The following MYO7A variants were observed in gnomAD, a reference collection of about 807,000 sequenced individuals.
MYO7A encodes the protein myosin VIIA, also known as unconventional myosin-VIIa.
In MYO7A, 210 loss-of-function variants were observed where a neutral mutation model predicts 263.8. That is an observed-to-expected ratio of 0.80 (90% CI 0.71 to 0.89). The LOEUF (loss-of-function observed/expected upper bound fraction) is 0.89, where lower values mean the gene tolerates loss of function less well. Ranked by LOEUF, MYO7A falls within the 40% of genes least tolerant of loss-of-function variation. The pLI is 0.00. For missense variants in MYO7A, 2,820 were observed against 2,968.3 expected, an observed-to-expected ratio of 0.95 and a Z score of 1.16; for synonymous variants, 1,239 against 1,197.3, an observed-to-expected ratio of 1.03 and a Z score of -0.72.
intron 3 of MYO7A, among the ~76,000 whole-genome samples, chr11:77,145,932 C>T (rs1951528208): frequency 6.6e-6 from 1 of 152,202 alleles, no homozygotes; most frequent in Non-Finnish European, 1.5e-5. Context: ...TTCTGCCTCT[C>T]ATTCAGACCT....
chr11:77,195,765 G>T (rs1371405074), intron 32 of MYO7A, among the ~76,000 whole-genome samples: 1 of 152,224 alleles, frequency 6.6e-6, no homozygotes, highest in Admixed American at 6.5e-5. Flanking sequence ...AGTTTTTGTA[G>T]GGTGGGAGGG....
intron 44 of MYO7A, among the ~76,000 whole-genome samples, chr11:77,210,371 G>C (rs978872470): frequency 2.0e-5 from 3 of 152,164 alleles, no homozygotes; most frequent in African/African-American, 7.2e-5. Flanking sequence ...GTGGATATTG[G>C]TAAGTGAATT....
rs781964930 is a variant in MYO7A, at chr11:77,177,607, T to C, written c.2246T>C (p.Ile749Thr). The C allele has an allele frequency of 3.1e-6, 5 of 1,611,934 alleles. No individual in the cohort carries two copies. The highest frequency in any genetic ancestry group is 4.2e-6 in the Non-Finnish European group (5 of 1,179,290). The change falls in exon 19 of 49, where the codon ATC becomes ACC. Residue 749 changes from isoleucine to threonine, a missense_variant. Transcript: ENST00000409709. ...ERDKAITDRV[I>T]LLQKVIRGFK... ...GACAAAGCCATCACCGACAGAGTCATCCTCCTTCAGAAAGTCATCCGGGGA... is the reference window on the plus strand; with the variant it reads ...GACAAAGCCATCACCGACAGAGTCACCCTCCTTCAGAAAGTCATCCGGGGA...
chr11:77,189,572 A>T, intron 28 of MYO7A, 102 bp downstream of exon 28: 3 of 1,521,432 alleles, frequency 2.0e-6, no homozygotes, highest in Non-Finnish European at 2.7e-6. Flanking sequence ...CCTGGTCACA[A>T]GGCCCACCCG....
rs1243127392 is a variant in MYO7A, at chr11:77,190,114, A to G, written c.3725A>G (p.Gln1242Arg). 2 of 1,573,054 alleles carry G rather than the reference A, an allele frequency of 1.3e-6. No individual in the cohort carries two copies. Among genetic ancestry groups the G allele is most frequent in the Non-Finnish European group, 1.7e-6 (2 of 1,159,760 alleles). The change falls in exon 29 of 49, where the codon CAG becomes CGG. Residue 1242 changes from glutamine to arginine, a missense_variant. Transcript: ENST00000409709. The part of the protein sequence containing the change: ...RRTFVNGTRT[Q>R]PPSWLELQAT... ...ACCTTTGTCAATGGGACACGGACACAGCCGCCCAGCTGGCTGGAGCTGCAG... is the reference window on the plus strand; with the variant it reads ...ACCTTTGTCAATGGGACACGGACACGGCCGCCCAGCTGGCTGGAGCTGCAG...
chr11:77,208,000 T>C (rs1957572268), intron 42 of MYO7A, among the ~76,000 whole-genome samples: 1 of 152,134 alleles, frequency 6.6e-6, no homozygotes, highest in Admixed American at 6.5e-5. Flanking sequence ...TGCTGATGGC[T>C]CTGTGTGCCT....
intron 15 of MYO7A, among the ~76,000 whole-genome samples, chr11:77,166,454 G>A (rs1298863588): frequency 2.0e-5 from 3 of 152,188 alleles, no homozygotes; most frequent in African/African-American, 7.2e-5. Flanking sequence ...TTCACCCCCT[G>A]GAATCCAGCT....
Position 77,138,644 on chromosome 11 carries a change from C to G in MYO7A, c.19-4065C>G, listed in dbSNP as rs1816344016. On this transcript the variant is annotated intron_variant, in intron 2 of 48. Coordinates refer to ENST00000409709, the MANE Select transcript of MYO7A (RefSeq NM_000260.4). This position sits in a 1 kb window ranked among gnomAD's most constrained non-coding sequence, Gnocchi z 4.9. ...GGAGAGGTTTTGCATCTGGGAAACC[C>G]AAGCCAGGCAGGCCAGGTCTGGGCG... Among the ~76,000 whole-genome samples the G allele has an allele frequency of 6.6e-6, 1 of 152,166 alleles. No homozygotes were observed. The highest frequency in any genetic ancestry group is 1.5e-5 in the Non-Finnish European group (1 of 68,010).
intron 2 of MYO7A, among the ~76,000 whole-genome samples, chr11:77,139,022 A>C (rs552564612): frequency 6.6e-6 from 1 of 150,874 alleles, no homozygotes; most frequent in East Asian, 1.9e-4. Flanking sequence ...GGGAATTATT[A>C]ATATTGGCTC....
At chr11:77,189,521 C>T in intron 28 of MYO7A, 51 bp downstream of exon 28, 5 of 1,609,318 alleles carry the variant, frequency 3.1e-6, no homozygotes, top group Non-Finnish European at 3.4e-6. Context: ...AGGCCCTGTC[C>T]CAGCACTGTG....
intron 31 of MYO7A, chr11:77,193,927 C>G: frequency 2.3e-6 from 1 of 442,612 alleles, no homozygotes. Context: ...CACAGTGATG[C>G]ACTTCCCTCA....
intron 39 of MYO7A, 49 bp from the exon 40 acceptor site, chr11:77,205,413 G>A: frequency 6.5e-7 from 1 of 1,536,894 alleles, no homozygotes; most frequent in Non-Finnish European, 8.8e-7. Context: ...CAGGTCCTGT[G>A]ACTCCCGATG....
At chr11:77,136,710 G>A (rs1379765051) in intron 2 of MYO7A, among the ~76,000 whole-genome samples, 1 of 152,232 alleles carries the variant, frequency 6.6e-6, no homozygotes. Context: ...TGGAAGCAGT[G>A]TCATTTTGTC....
intron 31 of MYO7A, among the ~76,000 whole-genome samples, chr11:77,193,314 G>GGA: frequency 8.0e-6 from 1 of 124,718 alleles, no homozygotes; most frequent in African/African-American, 3.4e-5. Flanking sequence ...ACAGTGTTGT[G>GGA]GGTAGTGATG....
At chr11:77,169,922 A>G (rs948826479) in intron 15 of MYO7A, among the ~76,000 whole-genome samples, 7 of 152,134 alleles carry the variant, frequency 4.6e-5, no homozygotes, top group African/African-American at 1.7e-4. Flanking sequence ...CAAAAAATAT[A>G]AAAATTAGCT....
intron 31 of MYO7A, among the ~76,000 whole-genome samples, chr11:77,193,513 G>C (rs1015300656): frequency 4.0e-5 from 6 of 148,620 alleles, no homozygotes; most frequent in Admixed American, 6.7e-5. Context: ...AATGATGTTG[G>C]TGATAGTGTT....
rs1485329957 is a variant in MYO7A at position 77,154,249 on chromosome 11, C to G, written c.286-1658C>G. On this transcript the variant is annotated intron_variant, in intron 4 of 48. Transcript: ENST00000409709. ...TACAAATTAGCAAACTGAGGTTTGC[C>G]AAAGGGATGTTCTTTGGGGCTGGTT... is the stretch of plus-strand genomic sequence containing the variant. Among the ~76,000 whole-genome samples the G allele has an allele frequency of 2.0e-5, 3 of 152,274 alleles. No individual in the cohort carries two copies. The East Asian group carries it at 5.8e-4, about 29-fold the overall frequency.
intron 3 of MYO7A, among the ~76,000 whole-genome samples, chr11:77,143,539 C>G (rs180767847): frequency 6.6e-6 from 1 of 152,218 alleles, no homozygotes; most frequent in Non-Finnish European, 1.5e-5. Context: ...GGGCCTGCCC[C>G]GGAGAAGGTG....
Position 77,183,133 on chromosome 11 carries a change from AAAG to A in MYO7A, c.3355_3357del (p.Lys1119del). 6.4e-7 allele frequency: 1 copy of A among 1,552,336 alleles called. No individual in the cohort carries two copies. Among genetic ancestry groups the A allele is most frequent in the South Asian group, 1.2e-5 (1 of 84,084 alleles). ...ACAAGCTGGTGCATTTGACTCTGAA[AAAG>A]AAGTCCAAGCTCACAGAGGAGGTGA... On this transcript the variant is annotated inframe_deletion, in exon 26 of 49. Transcript: ENST00000409709.
Sources: gnomAD v4.1 joint callset for allele counts (sites outside exome capture counted in the v4.1 genomes callset) on GRCh38, gnomAD v4.1.1 for gene constraint, Gnocchi (gnomAD v3.1) non-coding constraint, MANE v1.5 for transcripts, NCBI Gene and HGNC (gene_info 2026-07-23, HGNC 2026-07-21) for gene names.